Variants in PRR16 observed in about 807,000 individuals in gnomAD.
The protein encoded by PRR16 is protein Largen.
In PRR16, 6 loss-of-function variants were observed where a neutral mutation model predicts 18.2. That is an observed-to-expected ratio of 0.33 (90% confidence interval 0.18 to 0.65). PRR16 has a LOEUF of 0.65. PRR16 is among the 30% of genes least tolerant of loss of function. The pLI, the probability that PRR16 is intolerant of heterozygous loss-of-function variation, is 0.74. For synonymous variants in PRR16, 151 were observed against 147.8 expected (o/e 1.02, Z -0.16); for missense variants, 412 against 376.6 (o/e 1.09, Z -0.78).
At chr5:120,771,013 T>TG in the PRR16 span, among the ~76,000 whole-genome samples, 2 of 144,458 alleles carry the variant, frequency 1.4e-5, no homozygotes, top group South Asian at 4.5e-4. Context: ...TCTTTATTAT[T>TG]GGATTTGAGA....
At chr5:120,515,498 G>T (rs1273146122) in intron 1 of PRR16, among the ~76,000 whole-genome samples, 1 of 152,188 alleles carries the variant, frequency 6.6e-6, no homozygotes, top group African/African-American at 2.4e-5. Context: ...AACTGGTGAA[G>T]AAAGGGATGA....
At chr5:120,754,366 A>T in the PRR16 span, among the ~76,000 whole-genome samples, 4 of 58,548 alleles carry the variant, frequency 6.8e-5, no homozygotes, top group Admixed American at 1.2e-3. Context: ...GTATATAAAT[A>T]TATAATATAT....
intron 1 of PRR16, among the ~76,000 whole-genome samples, chr5:120,499,917 G>T (rs1021232429): frequency 1.1e-4 from 16 of 152,118 alleles, no homozygotes; most frequent in African/African-American, 3.6e-4. Flanking sequence ...TAGAAGCTCA[G>T]TTTCCCAACA....
At chr5:120,788,153 G>A in the PRR16 span, among the ~76,000 whole-genome samples, 1 of 151,806 alleles carries the variant, frequency 6.6e-6, no homozygotes, top group Admixed American at 6.6e-5. Context: ...CATATATTGT[G>A]TCACCAATTT....
intron 1 of PRR16, among the ~76,000 whole-genome samples, chr5:120,684,960 G>A (rs1191994782): frequency 1.3e-5 from 2 of 152,110 alleles, no homozygotes; most frequent in African/African-American, 2.4e-5. Flanking sequence ...CCCTTGACTG[G>A]TGTGACTTCC....
At chr5:120,786,941 C>T in the PRR16 span, among the ~76,000 whole-genome samples, 1 of 152,110 alleles carries the variant, frequency 6.6e-6, no homozygotes, top group Non-Finnish European at 1.5e-5. Flanking sequence ...CCTTGAAGTG[C>T]TTGAAAACTT....
rs866590980 is a variant in PRR16 at position 120,505,950 on chromosome 5, A to G, written c.159+41305A>G. Among the ~76,000 whole-genome samples, 616 of 127,418 alleles carry G rather than the reference A, an allele frequency of 4.8e-3. 4 individuals are homozygous for G. The highest frequency in any genetic ancestry group is 0.022 in the African/African-American group (556 of 25,206). The allele number at this position is 127,418 out of a possible 152,430, so 83.6% of individuals were successfully genotyped here. On this transcript the variant is annotated intron_variant, in intron 1 of 1. Transcript: ENST00000407149. ...TATGTGTGTATGTGTGTGTGTGTAT[A>G]TATATATATATATATATATACACAT...
the PRR16 span, among the ~76,000 whole-genome samples, chr5:120,715,736 G>C: frequency 6.6e-6 from 1 of 152,246 alleles, no homozygotes; most frequent in Admixed American, 6.5e-5. Context: ...TATTTTTTAT[G>C]TTTGAACATC....
chr5:120,664,402 A>G (rs1756287822), intron 1 of PRR16, among the ~76,000 whole-genome samples: 1 of 152,008 alleles, frequency 6.6e-6, no homozygotes, highest in South Asian at 2.1e-4. Context: ...TGGCCATATG[A>G]GCAGATCTTG....
chr5:120,659,618 A>G (rs1756106057), intron 1 of PRR16, among the ~76,000 whole-genome samples: 1 of 152,058 alleles, frequency 6.6e-6, no homozygotes, highest in Non-Finnish European at 1.5e-5. Flanking sequence ...CAGTAGATTA[A>G]TATTGATTTA....
chr5:120,603,528 G>A (rs980961749), intron 1 of PRR16, among the ~76,000 whole-genome samples: 1 of 151,790 alleles, frequency 6.6e-6, no homozygotes, highest in African/African-American at 2.4e-5. Flanking sequence ...TCATTGTTCT[G>A]TTATGTGGAT....
the PRR16 span, among the ~76,000 whole-genome samples, chr5:120,704,280 C>T: frequency 6.6e-6 from 1 of 152,054 alleles, no homozygotes; most frequent in African/African-American, 2.4e-5. Context: ...AAATGGGCAG[C>T]GATGGATGGA....
chr5:120,476,334 T>A (rs1749441584), intron 1 of PRR16, among the ~76,000 whole-genome samples: 2 of 152,162 alleles, frequency 1.3e-5, no homozygotes, highest in African/African-American at 4.8e-5. Context: ...CCAGGCAATC[T>A]TGATATTATC....
At chr5:120,497,215 C>T (rs1465889205) in intron 1 of PRR16, among the ~76,000 whole-genome samples, 1 of 151,942 alleles carries the variant, frequency 6.6e-6, no homozygotes, top group Non-Finnish European at 1.5e-5. Context: ...TGATTAGATT[C>T]TATTGGCTCA....
At chr5:120,491,736 G>C (rs957701004) in intron 1 of PRR16, among the ~76,000 whole-genome samples, 11 of 152,068 alleles carry the variant, frequency 7.2e-5, no homozygotes, top group Non-Finnish European at 1.3e-4. Flanking sequence ...TAGAGACAGG[G>C]TTTCACCATG....
chr5:120,756,103 T>A, the PRR16 span, among the ~76,000 whole-genome samples: 1 of 152,114 alleles, frequency 6.6e-6, no homozygotes, highest in African/African-American at 2.4e-5. Context: ...AATGTCTGAT[T>A]GGTTGCCTGA....
chr5:120,477,490 C>T (rs971641197), intron 1 of PRR16, among the ~76,000 whole-genome samples: 2 of 152,150 alleles, frequency 1.3e-5, no homozygotes, highest in Admixed American at 1.3e-4. Context: ...TTTCCAAAGT[C>T]TGACCAATTT....
At chr5:120,680,012 A>C (rs1756923344) in intron 1 of PRR16, among the ~76,000 whole-genome samples, 1 of 152,006 alleles carries the variant, frequency 6.6e-6, no homozygotes. Flanking sequence ...TGTTGGGGAG[A>C]AATGGGTAAC....
At chr5:120,557,967 G>T (rs1341236936) in intron 1 of PRR16, among the ~76,000 whole-genome samples, 6 of 151,736 alleles carry the variant, frequency 4.0e-5, no homozygotes, top group African/African-American at 9.7e-5. Context: ...ATAGGTTCTT[G>T]TTAGAAATTA....
Sources: gnomAD v4.1 joint callset for allele counts (sites outside exome capture counted in the v4.1 genomes callset) on GRCh38, gnomAD v4.1.1 for gene constraint, MANE v1.5 for transcripts, NCBI Gene and HGNC (gene_info 2026-07-23, HGNC 2026-07-21) for gene names.